Variants in FGF12 observed in about 807,000 individuals in gnomAD.
FGF12 encodes fibroblast growth factor 12, also known as fibroblast growth factor 12B.
FGF12 carries 14 observed loss-of-function variants against 23.6 expected under a neutral mutation model. The ratio of observed to expected loss-of-function variants is 0.59; its 90% CI spans 0.39 to 0.93. The LOEUF (loss-of-function observed/expected upper bound fraction) is 0.93. Ranked by LOEUF, FGF12 falls within the 40% of genes least tolerant of loss-of-function variation. FGF12 has a pLI of 0.00. For missense variants in FGF12, 175 were observed against 217.8 expected (o/e 0.80, Z 1.24); for synonymous variants, 62 against 77.3 (o/e 0.80, Z 1.04).
At chr3:192,491,481 G>C (rs1429634101) in intron 2 of FGF12, among the ~76,000 whole-genome samples, 11 of 152,108 alleles carry the variant, frequency 7.2e-5, no homozygotes, top group Non-Finnish European at 1.6e-4. Context: ...TAGTGTAGAA[G>C]ACTCATTGGA....
intron 2 of FGF12, among the ~76,000 whole-genome samples, chr3:192,726,399 T>C (rs1462866887): frequency 1.3e-5 from 2 of 152,172 alleles, no homozygotes; most frequent in Non-Finnish European, 2.9e-5. Flanking sequence ...CAGACCTGCA[T>C]AGATGGGGTT....
chr3:192,386,038 A>G (rs550967603), intron 2 of FGF12, among the ~76,000 whole-genome samples: 1 of 152,368 alleles, frequency 6.6e-6, no homozygotes, highest in East Asian at 1.9e-4. Context: ...AGAAAGGTTA[A>G]GCAACTGTTA....
chr3:192,375,588 G>A (rs553711039), intron 2 of FGF12, among the ~76,000 whole-genome samples: 65 of 151,986 alleles, frequency 4.3e-4, no homozygotes, highest in Non-Finnish European at 6.2e-4. Flanking sequence ...AGAAATGCTC[G>A]TCATAAGATT....
intron 2 of FGF12, among the ~76,000 whole-genome samples, chr3:192,450,513 C>T (rs539490576): frequency 2.6e-5 from 4 of 152,292 alleles, no homozygotes; most frequent in East Asian, 1.9e-4. Context: ...AACATCCTAA[C>T]TTTTGATGAA....
intron 4 of FGF12, chr3:192,265,510 C>G (rs535417685): frequency 6.6e-6 from 1 of 152,146 alleles, no homozygotes; most frequent in Admixed American, 6.6e-5. Flanking sequence ...CAAATCCAGC[C>G]CACCTCCTGA....
chr3:192,522,689 GTGATACTA>G (rs1230585965), intron 2 of FGF12, among the ~76,000 whole-genome samples: 3 of 152,200 alleles, frequency 2.0e-5, no homozygotes, highest in Admixed American at 1.3e-4. Flanking sequence ...TTTGATAGTA[GTGATACTA>G]ATCTATCAAT....
intron 2 of FGF12, among the ~76,000 whole-genome samples, chr3:192,435,643 T>G (rs900890526): frequency 1.3e-5 from 2 of 152,110 alleles, no homozygotes; most frequent in Non-Finnish European, 2.9e-5. Flanking sequence ...GTAACTTCCT[T>G]AGGTCTTTCT....
At chr3:192,186,049 C>T (rs1476040073) in intron 4 of FGF12, among the ~76,000 whole-genome samples, 1 of 152,156 alleles carries the variant, frequency 6.6e-6, no homozygotes, top group South Asian at 2.1e-4. Flanking sequence ...TCAACCTCCT[C>T]TTCACATTCT....
intron 2 of FGF12, among the ~76,000 whole-genome samples, chr3:192,412,587 G>A (rs1322156544): frequency 6.6e-6 from 1 of 152,168 alleles, no homozygotes; most frequent in Non-Finnish European, 1.5e-5. Flanking sequence ...GAGCTTTTTG[G>A]CTTTTTAAGT....
At chr3:192,631,102 C>T (rs1423828445) in intron 2 of FGF12, among the ~76,000 whole-genome samples, 2 of 152,168 alleles carry the variant, frequency 1.3e-5, no homozygotes, top group South Asian at 2.1e-4. Flanking sequence ...TTCTCCAGTT[C>T]CTGAGCCATT....
intron 2 of FGF12, among the ~76,000 whole-genome samples, chr3:192,369,439 C>G (rs1372824837): frequency 6.6e-6 from 1 of 152,202 alleles, no homozygotes; most frequent in African/African-American, 2.4e-5. Context: ...ATCGAATGAC[C>G]TTGAGACAGG....
At chr3:192,213,253 G>A (rs1034013337) in intron 4 of FGF12, among the ~76,000 whole-genome samples, 1 of 152,140 alleles carries the variant, frequency 6.6e-6, no homozygotes, top group African/African-American at 2.4e-5. Flanking sequence ...TTGGTTATCT[G>A]AAAGCGTCTC....
intron 2 of FGF12, among the ~76,000 whole-genome samples, chr3:192,367,687 C>A (rs569491880): frequency 1.3e-5 from 2 of 152,264 alleles, no homozygotes; most frequent in South Asian, 4.1e-4. Flanking sequence ...GAGAAGCAGG[C>A]CTGAGGCCCC....
intron 4 of FGF12, among the ~76,000 whole-genome samples, chr3:192,200,083 G>A (rs1229056195): frequency 3.3e-5 from 5 of 151,848 alleles, no homozygotes; most frequent in South Asian, 2.1e-4. Context: ...TTGGGAGGCC[G>A]AGGTGGGTGG....
chr3:192,465,975 T>C (rs1722999449), intron 2 of FGF12, among the ~76,000 whole-genome samples: 1 of 152,198 alleles, frequency 6.6e-6, no homozygotes, highest in African/African-American at 2.4e-5. Context: ...TATGCATTGC[T>C]TAATGACTGG....
intron 5 of FGF12, among the ~76,000 whole-genome samples, chr3:192,158,328 C>CTTTT (rs1464837591): frequency 9.1e-6 from 1 of 110,304 alleles, no homozygotes; most frequent in African/African-American, 3.1e-5. Flanking sequence ...TTCTTTCTTT[C>CTTTT]TTTCTCTTTC....
chr3:192,189,376 G>A (rs1469395210), intron 4 of FGF12, among the ~76,000 whole-genome samples: 1 of 152,066 alleles, frequency 6.6e-6, no homozygotes, highest in Non-Finnish European at 1.5e-5. Flanking sequence ...ATTAGCTGGC[G>A]ACTGAATGCA....
chr3:192,603,561 A>G (rs1248497134), intron 2 of FGF12, among the ~76,000 whole-genome samples: 1 of 152,122 alleles, frequency 6.6e-6, no homozygotes, highest in East Asian at 1.9e-4. Context: ...GAGTACAAAG[A>G]GAGGAATTTT....
At chr3:192,215,217 T>A (rs6776353) in intron 4 of FGF12, among the ~76,000 whole-genome samples, 1 of 151,984 alleles carries the variant, frequency 6.6e-6, no homozygotes. Context: ...CTCGAAGGTG[T>A]TGATATCATT....
Sources: gnomAD v4.1 joint callset for allele counts (sites outside exome capture counted in the v4.1 genomes callset) on GRCh38, gnomAD v4.1.1 for gene constraint, MANE v1.5 for transcripts, NCBI Gene and HGNC (gene_info 2026-07-23, HGNC 2026-07-21) for gene names.